MYB: variants seen among roughly 807,000 people sequenced by gnomAD.
The protein encoded by MYB is transcriptional activator Myb.
MYB carries 28 observed loss-of-function variants against 92.9 expected under a neutral mutation model. That is an observed-to-expected ratio of 0.30 (90% confidence interval 0.22 to 0.41). The LOEUF is 0.41. Ranked by LOEUF, MYB falls within the 10% of genes least tolerant of loss-of-function variation. The pLI is 1.00. For missense variants in MYB, 679 were observed against 929.3 expected, an observed-to-expected ratio of 0.73 and a Z score of 3.50; for synonymous variants, 295 against 329.1, an observed-to-expected ratio of 0.90 and a Z score of 1.12.
In MYB at chr6:135,197,073, A is replaced by T. The variant is rs372468562; in HGVS notation, c.1316A>T (p.Asn439Ile). The T allele has an allele frequency of 1.9e-5, 30 of 1,614,078 alleles. No individual in the cohort carries two copies. In the African/African-American group the frequency reaches 3.1e-4, roughly 16 times the overall value. Residue 439 changes from asparagine (N) to isoleucine (I), a missense_variant, in exon 10 of 16, where the codon AAT becomes ATT. By Grantham distance (149) the Asn-to-Ile change is moderately radical. Around this residue, in one of 8 missense-constraint regions of MYB, gnomAD observed 402 missense variants for 434.2 expected, o/e 0.93. Coordinates refer to ENST00000341911, the MANE Select transcript of MYB (RefSeq NM_001130173.2). ...KALQLQQREG[N>I]GTKPAGEPSP... ...CTACAGCTTCAGCAAAGAGAGGGCA[A>T]TGGGACTAAACCTGCAGGAGAACCT...
intron 6 of MYB, among the ~76,000 whole-genome samples, chr6:135,193,298 TAG>T (rs1374663810): frequency 1.3e-5 from 2 of 152,198 alleles, no homozygotes; most frequent in African/African-American, 4.8e-5. Context: ...TACCCAAGAA[TAG>T]AGAGCTCATA....
intron 1 of MYB, among the ~76,000 whole-genome samples, chr6:135,184,322 CTTT>C: frequency 1.5e-3 from 106 of 68,418 alleles, no homozygotes; most frequent in African/African-American, 5.2e-3. Flanking sequence ...GGCTTTATAG[CTTT>C]TTTTTTTTTT....
In MYB at chr6:135,192,572, G is replaced by A. The variant is rs746010323; in HGVS notation, c.762+14G>A. ...GAAGCACAAAATGTAAGCCATTCCTGTGAATCTAGTTTAATGAGAGAGACG... is the reference window on the plus strand; with the variant it reads ...GAAGCACAAAATGTAAGCCATTCCTATGAATCTAGTTTAATGAGAGAGACG... On this transcript the variant is annotated intron_variant, in intron 6 of 15. Transcript: ENST00000341911. 1 of 1,606,918 alleles carries A rather than the reference G, an allele frequency of 6.2e-7. No homozygotes were observed. Among genetic ancestry groups the A allele is most frequent in the South Asian group, 1.1e-5 (1 of 90,974 alleles).
At position 135,197,445 on chromosome 6, in the gene MYB, G is replaced by A; in HGVS notation, c.1566+122G>A. 3.1e-6 allele frequency: 3 copies of A among 977,364 alleles called. No individual in the cohort carries two copies. The South Asian group carries it at 4.9e-5, about 16-fold the overall frequency. The allele number at this position is 977,364 out of a possible 1,614,324, so 60.5% of individuals were successfully genotyped here. A position where few individuals can be genotyped will look rare whatever the true frequency, so the allele number is the denominator to read the frequency against. ...CTGCTGCCTTTGCTGATTTCATTCT[G>A]TCGTTGAATCTAGCTGTTGCTAAGT... On this transcript the variant is annotated intron_variant, in intron 10 of 15. Transcript: ENST00000341911.
chr6:135,183,064 G>A (rs1389399960), intron 1 of MYB, among the ~76,000 whole-genome samples: 4 of 147,624 alleles, frequency 2.7e-5, no homozygotes, highest in Non-Finnish European at 3.0e-5. Context: ...GAGGGAGTCG[G>A]GCAGGGGTGC....
At chr6:135,204,792 C>T (rs1166430870) in intron 15 of MYB, among the ~76,000 whole-genome samples, 2 of 152,110 alleles carry the variant, frequency 1.3e-5, no homozygotes, top group Non-Finnish European at 2.9e-5. Context: ...CTGGAGTTGG[C>T]CCCGTGTGGA....
chr6:135,207,687 T>C (rs1461787697), intron 15 of MYB, among the ~76,000 whole-genome samples: 3 of 152,144 alleles, frequency 2.0e-5, no homozygotes, highest in Non-Finnish European at 2.9e-5. Flanking sequence ...GAAAATATAC[T>C]ATGTTCTAGA....
At chr6:135,200,540 A>G (rs1302958569) in intron 13 of MYB, 125 bp downstream of exon 13, 4 of 1,428,028 alleles carry the variant, frequency 2.8e-6, no homozygotes, top group South Asian at 1.2e-5. Context: ...AGATTTTCAT[A>G]CAAGGTGCAG....
At chr6:135,183,044 G>A (rs1252043534) in intron 1 of MYB, among the ~76,000 whole-genome samples, 1 of 144,478 alleles carries the variant, frequency 6.9e-6, no homozygotes, top group Non-Finnish European at 1.5e-5. Flanking sequence ...GCTGAAACTG[G>A]CAGCAGGAGG....
chr6:135,181,741 C>T lies in MYB; in HGVS notation c.23+205C>T, dbSNP rs1008928093. Among the ~76,000 whole-genome samples the T allele has an allele frequency of 5.3e-5, 8 of 152,220 alleles. No homozygotes were observed. The highest frequency in any genetic ancestry group is 2.4e-5 in the African/African-American group (1 of 41,456). ...AGTCTTTGCGGGAAATGTATCCGGA[C>T]GTTGGGAAGCACGCCCTGCGGCTCA... On this transcript the variant is annotated intron_variant, in intron 1 of 15. Transcript: ENST00000341911. This position sits in a 1 kb window ranked among gnomAD's most constrained non-coding sequence, Gnocchi z 5.3.
At position 135,212,516 on chromosome 6, in the gene MYB, TA is replaced by T. The variant is rs1779887036; in HGVS notation, c.2170-5345del. On this transcript the variant is annotated intron_variant, in intron 15 of 15. Coordinates refer to ENST00000341911, the MANE Select transcript of MYB (RefSeq NM_001130173.2). ...TCTACAAAAGATGGCAATATTTATT[TA>T]AAGTGCTTTAACAGGATATCCCAGT... Among the ~76,000 whole-genome samples, 6 of 152,312 alleles carry T rather than the reference TA, an allele frequency of 3.9e-5. No individual in the cohort carries two copies. The South Asian group carries it at 1.2e-3, about 32-fold the overall frequency.
Position 135,198,972 on chromosome 6 carries a change from C to A in MYB, c.1631C>A (p.Pro544His), listed in dbSNP as rs377014519. The change falls in exon 11 of 16, where the codon CCC (proline) becomes CAC (histidine). Residue 544 changes from proline (P) to histidine (H), a missense_variant. Pro to His is a moderately conservative substitution (Grantham distance 77). Transcript: ENST00000341911. ...DLEMPSLTST[P>H]LIGHKLTVTT... ...GAAATGCCTTCTTTAACTTCCACCC[C>A]CCTCATTGGTCACAAATTGACTGTT... 15 of 1,611,602 alleles carry A rather than the reference C, an allele frequency of 9.3e-6. No homozygotes were observed. The Middle Eastern group carries it at 8.3e-4, about 89-fold the overall frequency.
chr6:135,213,571 T>C (rs1583431043), intron 15 of MYB, among the ~76,000 whole-genome samples: 1 of 152,174 alleles, frequency 6.6e-6, no homozygotes, highest in Non-Finnish European at 1.5e-5. Context: ...CTAAGGACTA[T>C]ATTACAAAGG....
intron 10 of MYB, among the ~76,000 whole-genome samples, chr6:135,198,539 G>A (rs934076071): frequency 1.3e-5 from 2 of 152,160 alleles, no homozygotes; most frequent in African/African-American, 4.8e-5. Context: ...AAAAAACAAA[G>A]TATGAAAGGA....
In MYB at chr6:135,190,079, C is replaced by T. The variant is rs760895741; in HGVS notation, c.307-48C>T. On this transcript the variant is annotated intron_variant, in intron 4 of 15. Coordinates refer to ENST00000341911, the MANE Select transcript of MYB (RefSeq NM_001130173.2). This position sits in a 1 kb window ranked among gnomAD's most constrained non-coding sequence, Gnocchi z 4.5. ...ACACTGAAGAATGATTATACTGACT[C>T]ATTACATAACTTTAAAACATAGGTT... 13 of 1,577,096 alleles carry T rather than the reference C, an allele frequency of 8.2e-6. No individual in the cohort carries two copies. Among genetic ancestry groups the T allele is most frequent in the Non-Finnish European group, 1.1e-5 (13 of 1,151,066 alleles).
In MYB at chr6:135,219,109, T is replaced by C. The variant is rs111741587; in HGVS notation, c.*1129T>C. The C allele has an allele frequency of 5.3e-3, 1,185 of 223,602 alleles. 10 individuals are homozygous for C. Among genetic ancestry groups the C allele is most frequent in the Middle Eastern group, 0.019 (14 of 728 alleles). 13.9% of individuals were successfully genotyped at this position (223,602 alleles called of 1,614,324 possible). A position where few individuals can be genotyped will look rare whatever the true frequency, so the allele number is the denominator to read the frequency against. ...GATGCAAGATGGCCAGCACTGAACTTTTGAGATATGACGGTGTACTTACTG... is the reference window on the plus strand; with the variant it reads ...GATGCAAGATGGCCAGCACTGAACTCTTGAGATATGACGGTGTACTTACTG... On this transcript the variant is annotated 3_prime_UTR_variant, in exon 16 of 16. Coordinates refer to ENST00000341911, the MANE Select transcript of MYB (RefSeq NM_001130173.2).
chr6:135,189,879 A>G lies in MYB; in HGVS notation c.302A>G (p.Gln101Arg). 2 of 1,612,568 alleles carry G rather than the reference A, an allele frequency of 1.2e-6. No individual in the cohort carries two copies. The highest frequency in any genetic ancestry group is 1.7e-6 in the Non-Finnish European group (2 of 1,178,750). ...GGTCCTTGGACCAAAGAAGAAGATC[A>G]GAGAGTAAGTTCTTTCTTCATTGGT... Reference protein sequence around the residue: ...IKGPWTKEEDQRVIELVQKYG... With the variant: ...IKGPWTKEEDRRVIELVQKYG... The change falls in exon 4 of 16, where the codon CAG becomes CGG. Residue 101 changes from glutamine to arginine, a missense_variant. Coordinates refer to ENST00000341911, the MANE Select transcript of MYB (RefSeq NM_001130173.2).
At chr6:135,204,719 T>C (rs1778629967) in intron 15 of MYB, among the ~76,000 whole-genome samples, 1 of 152,230 alleles carries the variant, frequency 6.6e-6, no homozygotes, top group South Asian at 2.1e-4. Context: ...GGCTGTGGAC[T>C]GGAATGTGAG....
intron 3 of MYB, among the ~76,000 whole-genome samples, chr6:135,188,134 C>T (rs958636836): frequency 6.6e-6 from 1 of 152,032 alleles, no homozygotes; most frequent in East Asian, 1.9e-4. Context: ...ATTTTAAAAA[C>T]AGTTGCTTCT....
Sources: gnomAD v4.1 joint callset for allele counts (sites outside exome capture counted in the v4.1 genomes callset) on GRCh38, gnomAD v4.1.1 for gene constraint, gnomAD v4.1.1 regional missense constraint, Gnocchi (gnomAD v3.1) non-coding constraint, MANE v1.5 for transcripts, NCBI Gene and HGNC (gene_info 2026-07-23, HGNC 2026-07-21) for gene names.